UBQLN1: variants seen among roughly 807,000 people sequenced by gnomAD.
UBQLN1 encodes ubiquilin-1.
Under a neutral mutation model 65.4 loss-of-function variants are expected in UBQLN1, and 13 were observed. The observed-to-expected ratio is 0.20, with a 90% CI of 0.13 to 0.32. The LOEUF (loss-of-function observed/expected upper bound fraction) is 0.32. UBQLN1 is among the 10% of genes least tolerant of loss of function. The pLI is 1.00. For synonymous variants in UBQLN1, 267 were observed against 247.8 expected, an observed-to-expected ratio of 1.08 and a Z score of -0.73; for missense variants, 561 against 724.0, an observed-to-expected ratio of 0.77 and a Z score of 2.58.
chr9:83,668,553 G>C, intron 7 of UBQLN1: 4 of 985,350 alleles, frequency 4.1e-6, no homozygotes, highest in Non-Finnish European at 4.8e-6. Flanking sequence ...CCCAACCATC[G>C]GTACTGTCTA....
In UBQLN1 at chr9:83,707,903, T is replaced by G; in HGVS notation, c.-224A>C. On this transcript the variant is annotated 5_prime_UTR_variant, in exon 1 of 11. Transcript: ENST00000376395. ...TCAGGCGCTCGGCAGCCGCCGTGTG[T>G]TCAGGCGCCGCTCGCTCACACCGAC... 1.8e-6 allele frequency: 1 copy of G among 567,216 alleles called. No homozygotes were observed. The highest frequency in any genetic ancestry group is 4.6e-4 in the Middle Eastern group (1 of 2,180). The allele number at this position is 567,216 out of a possible 1,614,324, so 35.1% of individuals were successfully genotyped here.
At chr9:83,679,360 G>A (rs1227074219) in intron 4 of UBQLN1, among the ~76,000 whole-genome samples, 1 of 152,176 alleles carries the variant, frequency 6.6e-6, no homozygotes, top group East Asian at 1.9e-4. Context: ...TCTGATTCTA[G>A]AATCACAAAT....
rs1229460402 is a variant in UBQLN1 at position 83,707,749 on chromosome 9, A to G, written c.-70T>C. On this transcript the variant is annotated 5_prime_UTR_variant, in exon 1 of 11. Transcript: ENST00000376395. Reference sequence around the variant, plus strand: ...AGCAGGCGAGCAAGGAGGAGCCAGCAGACACCAGAGCCGGCAGGCCTGGAC... The same window carrying G: ...AGCAGGCGAGCAAGGAGGAGCCAGCGGACACCAGAGCCGGCAGGCCTGGAC... 6 of 1,485,036 alleles carry G rather than the reference A, an allele frequency of 4.0e-6. No homozygotes were observed. The highest frequency in any genetic ancestry group is 2.6e-5 in the Admixed American group (1 of 38,244). 92.0% of individuals were successfully genotyped at this position (1,485,036 alleles called of 1,614,324 possible). A position where few individuals can be genotyped will look rare whatever the true frequency, so the allele number is the denominator to read the frequency against.
At chr9:83,676,830 T>G (rs1456519191) in intron 6 of UBQLN1, among the ~76,000 whole-genome samples, 1 of 152,224 alleles carries the variant, frequency 6.6e-6, no homozygotes, top group Non-Finnish European at 1.5e-5. Context: ...ATACGCCAAG[T>G]ATTAGGACTA....
At chr9:83,699,370 C>A (rs1832274275) in intron 1 of UBQLN1, among the ~76,000 whole-genome samples, 1 of 152,210 alleles carries the variant, frequency 6.6e-6, no homozygotes, top group South Asian at 2.1e-4. Context: ...GAGACCAAGT[C>A]TCATTCTGTC....
chr9:83,662,355 T>C (rs553534529), intron 10 of UBQLN1, among the ~76,000 whole-genome samples: 8 of 151,556 alleles, frequency 5.3e-5, no homozygotes, highest in African/African-American at 1.2e-4. Context: ...TACTGACCAA[T>C]TGAGTAACTA....
At chr9:83,666,615 A>C in intron 7 of UBQLN1, 182 bp from the exon 8 acceptor site, 1 of 513,604 alleles carries the variant, frequency 1.9e-6, no homozygotes, top group Non-Finnish European at 3.5e-6. Context: ...AAGAACAAAA[A>C]CAAAAAAATG....
intron 1 of UBQLN1, among the ~76,000 whole-genome samples, chr9:83,707,252 A>C (rs1213214147): frequency 6.6e-6 from 1 of 152,136 alleles, no homozygotes. Context: ...GGCGGATACC[A>C]GAGAAGGAAG....
chr9:83,699,315 A>T (rs1832273250), intron 1 of UBQLN1, among the ~76,000 whole-genome samples: 1 of 152,192 alleles, frequency 6.6e-6, no homozygotes, highest in African/African-American at 2.4e-5. Flanking sequence ...TAAAGTGGCT[A>T]ATAGGAAAAT....
intron 9 of UBQLN1, among the ~76,000 whole-genome samples, chr9:83,664,565 A>G (rs1416548904): frequency 6.6e-6 from 1 of 151,958 alleles, no homozygotes; most frequent in East Asian, 1.9e-4. Flanking sequence ...CAGCCAGGGT[A>G]AAAGAGCAAA....
At chr9:83,675,664 G>T (rs942774958) in intron 6 of UBQLN1, among the ~76,000 whole-genome samples, 13 of 152,132 alleles carry the variant, frequency 8.5e-5, no homozygotes, top group Non-Finnish European at 1.8e-4. Context: ...GAATGTAATG[G>T]CATGTTAAAA....
At chr9:83,690,560 G>A (rs1199007246) in intron 1 of UBQLN1, among the ~76,000 whole-genome samples, 1 of 152,090 alleles carries the variant, frequency 6.6e-6, no homozygotes, top group Non-Finnish European at 1.5e-5. Context: ...TTTAAAAGTT[G>A]GCTGTGAACT....
At position 83,695,650 on chromosome 9, in the gene UBQLN1, C is replaced by T. The variant is rs1212156461; in HGVS notation, c.181-9495G>A. The stretch of plus-strand genomic sequence containing the variant: ...AAAAAAATTACCCCCAAGTTTTAGA[C>T]ATCTATATGGCAGCTGCTTAACCAG... On this transcript the variant is annotated intron_variant, in intron 1 of 10. Transcript: ENST00000376395. Among the ~76,000 whole-genome samples the T allele has an allele frequency of 2.6e-5, 4 of 151,954 alleles. No individual in the cohort carries two copies. The South Asian group carries it at 6.2e-4, about 24-fold the overall frequency.
chr9:83,686,746 A>T (rs1402525686), intron 1 of UBQLN1, among the ~76,000 whole-genome samples: 1 of 152,072 alleles, frequency 6.6e-6, no homozygotes, highest in South Asian at 2.1e-4. Flanking sequence ...CTAGCGGTGG[A>T]GTATCTCTAA....
intron 3 of UBQLN1, 90 bp from the exon 4 acceptor site, chr9:83,680,127 A>G: frequency 7.6e-7 from 1 of 1,315,776 alleles, no homozygotes; most frequent in African/African-American, 1.5e-5. Context: ...AAAAAGTATT[A>G]GCTGACCCAA....
intron 1 of UBQLN1, among the ~76,000 whole-genome samples, chr9:83,693,465 T>A (rs1295866073): frequency 1.5e-5 from 2 of 131,384 alleles, no homozygotes; most frequent in African/African-American, 5.7e-5. Flanking sequence ...TTCTTTTTCT[T>A]ATTTTTTTTT....
At chr9:83,691,295 CATGAA>C (rs1255521728) in intron 1 of UBQLN1, among the ~76,000 whole-genome samples, 1 of 151,902 alleles carries the variant, frequency 6.6e-6, no homozygotes, top group East Asian at 1.9e-4. Flanking sequence ...GGATATAAGA[CATGAA>C]AATGACAACA....
At chr9:83,670,602 T>C (rs1448478836) in intron 6 of UBQLN1, among the ~76,000 whole-genome samples, 1 of 152,168 alleles carries the variant, frequency 6.6e-6, no homozygotes, top group African/African-American at 2.4e-5. Flanking sequence ...CTGCTAACAG[T>C]GAGTCAGCTG....
intron 1 of UBQLN1, among the ~76,000 whole-genome samples, chr9:83,700,313 G>A (rs965042936): frequency 2.0e-5 from 3 of 152,134 alleles, no homozygotes; most frequent in Admixed American, 6.5e-5. Flanking sequence ...TTAAGAGGAA[G>A]CTTCCACAAA....
Sources: gnomAD v4.1 joint callset for allele counts (sites outside exome capture counted in the v4.1 genomes callset) on GRCh38, gnomAD v4.1.1 for gene constraint, MANE v1.5 for transcripts, NCBI Gene and HGNC (gene_info 2026-07-23, HGNC 2026-07-21) for gene names.